Variants in CTBP2 observed in about 807,000 individuals in gnomAD.
CTBP2 encodes C-terminal-binding protein 2.
A neutral mutation model predicts 80.3 loss-of-function variants in CTBP2; 30 were observed. The observed-to-expected ratio is 0.37, with a 90% CI of 0.28 to 0.51. The LOEUF (loss-of-function observed/expected upper bound fraction) is 0.51, where lower values mean the gene tolerates loss of function less well. Among genes scored for constraint, CTBP2 ranks in the 20% least tolerant of loss-of-function variants. CTBP2 has a pLI of 0.93. For synonymous variants in CTBP2, 594 were observed against 587.4 expected, an observed-to-expected ratio of 1.01 and a Z score of -0.16; for missense variants, 1,212 against 1,375.3, an observed-to-expected ratio of 0.88 and a Z score of 1.88.
intron 1 of CTBP2, among the ~76,000 whole-genome samples, chr10:125,119,068 G>C (rs1853865116): frequency 1.3e-5 from 2 of 152,210 alleles, no homozygotes; most frequent in South Asian, 4.1e-4. Context: ...ACCAAGAGGG[G>C]TTTTCTGAGC....
chr10:125,150,489 C>T (rs1337691409), intron 1 of CTBP2, among the ~76,000 whole-genome samples: 2 of 152,098 alleles, frequency 1.3e-5, no homozygotes, highest in Non-Finnish European at 2.9e-5. Flanking sequence ...GCAAAGCCAT[C>T]CCCAGACATT....
chr10:125,005,939 G>A lies in CTBP2; in HGVS notation c.1679-2447C>T, dbSNP rs1955186635. The A allele has an allele frequency of 1.0e-5, 15 of 1,499,114 alleles. No homozygotes were observed. In the South Asian group the frequency reaches 1.9e-4, roughly 19 times the overall value. The allele number at this position is 1,499,114 out of a possible 1,614,324, so 92.9% of individuals were successfully genotyped here. A position where few individuals can be genotyped will look rare whatever the true frequency, so the allele number is the denominator to read the frequency against. ...CTGTTCGTTAAATGGTAGCCACACA[G>A]GAAAACCACGCTGGGCGCAAGGTGG... is the stretch of plus-strand genomic sequence containing the variant. On this transcript the variant is annotated intron_variant, in intron 1 of 8. Coordinates refer to ENST00000309035, the MANE Select transcript of CTBP2 (RefSeq NM_022802.3).
At chr10:125,012,938 C>T (rs1370067008) in intron 1 of CTBP2, among the ~76,000 whole-genome samples, 1 of 152,220 alleles carries the variant, frequency 6.6e-6, no homozygotes, top group Non-Finnish European at 1.5e-5. Flanking sequence ...ATCTGTTCAC[C>T]CTGGTGAACT....
intron 2 of CTBP2, among the ~76,000 whole-genome samples, chr10:125,052,791 C>G (rs1165814906): frequency 1.3e-5 from 2 of 152,224 alleles, no homozygotes; most frequent in Non-Finnish European, 2.9e-5. Context: ...CCAACACATT[C>G]CCATGGGAGC....
At chr10:125,134,935 C>T (rs1462538318) in intron 1 of CTBP2, among the ~76,000 whole-genome samples, 1 of 146,750 alleles carries the variant, frequency 6.8e-6, no homozygotes, top group Non-Finnish European at 1.5e-5. Context: ...ATACTAAAAC[C>T]CACGTTAATA....
At chr10:125,026,009 C>CA in intron 1 of CTBP2, 2 of 1,510,388 alleles carry the variant, frequency 1.3e-6, no homozygotes, top group Non-Finnish European at 1.8e-6. Context: ...ATCCTATGTT[C>CA]AAACTTCTAC....
chr10:125,099,364 G>A (rs1001564020), intron 2 of CTBP2, among the ~76,000 whole-genome samples: 4 of 152,158 alleles, frequency 2.6e-5, no homozygotes, highest in Admixed American at 6.5e-5. Context: ...CTTCCTTTCC[G>A]GGGCAACTGG....
chr10:125,056,046 T>C (rs879268601), intron 2 of CTBP2, among the ~76,000 whole-genome samples: 12 of 151,984 alleles, frequency 7.9e-5, no homozygotes, highest in Admixed American at 7.9e-4. Flanking sequence ...GTGCCTGTAG[T>C]CCCAGCTACT....
chr10:125,033,233 A>G (rs1402851236), intron 3 of CTBP2, among the ~76,000 whole-genome samples: 1 of 152,154 alleles, frequency 6.6e-6, no homozygotes, highest in Non-Finnish European at 1.5e-5. Context: ...AGCGCTGGAC[A>G]CCCAGAATGC....
intron 2 of CTBP2, among the ~76,000 whole-genome samples, chr10:125,107,182 C>A (rs939155780): frequency 6.6e-6 from 1 of 152,230 alleles, no homozygotes; most frequent in African/African-American, 2.4e-5. Context: ...GCTAAAGCTT[C>A]GCTGGCATCT....
chr10:125,084,467 T>C (rs1401816272), intron 2 of CTBP2, among the ~76,000 whole-genome samples: 2 of 152,268 alleles, frequency 1.3e-5, no homozygotes, highest in African/African-American at 2.4e-5. Context: ...GGCTGGCCTC[T>C]AGGTGGAGTC....
At chr10:125,138,592 C>A (rs1277054895) in intron 1 of CTBP2, among the ~76,000 whole-genome samples, 3 of 150,850 alleles carry the variant, frequency 2.0e-5, no homozygotes, top group Non-Finnish European at 4.4e-5. Context: ...TGGAAAGAGC[C>A]GCTGTAATCA....
At chr10:125,073,322 C>A (rs569820065) in intron 2 of CTBP2, among the ~76,000 whole-genome samples, 28 of 152,320 alleles carry the variant, frequency 1.8e-4, no homozygotes, top group African/African-American at 6.7e-4. Flanking sequence ...CGCAGCCTCC[C>A]GAGTTCAATT....
intron 2 of CTBP2, among the ~76,000 whole-genome samples, chr10:125,056,566 G>A (rs1963982503): frequency 6.6e-6 from 1 of 152,220 alleles, no homozygotes; most frequent in South Asian, 2.1e-4. Context: ...CCAGGAGTCA[G>A]GGTCATCTGC....
chr10:124,996,190 G>GCC (rs11321696), intron 4 of CTBP2: 1 of 149,692 alleles, frequency 6.7e-6, no homozygotes, highest in African/African-American at 2.5e-5. Context: ...CCGTCACAGC[G>GCC]CCCCCCCCGG....
At chr10:125,053,010 C>G (rs1461495208) in intron 2 of CTBP2, among the ~76,000 whole-genome samples, 1 of 152,358 alleles carries the variant, frequency 6.6e-6, no homozygotes, top group East Asian at 1.9e-4. Flanking sequence ...CATCACGCAG[C>G]ATGCAGCCGC....
chr10:124,991,289 G>T (rs1443999878), intron 8 of CTBP2, among the ~76,000 whole-genome samples: 1 of 152,154 alleles, frequency 6.6e-6, no homozygotes, highest in African/African-American at 2.4e-5. Flanking sequence ...CTGTCACCAA[G>T]ACCTTCAGAA....
intron 1 of CTBP2, among the ~76,000 whole-genome samples, chr10:125,144,154 T>C (rs1858328237): frequency 6.6e-6 from 1 of 152,170 alleles, no homozygotes; most frequent in Non-Finnish European, 1.5e-5. Flanking sequence ...CTCTTTCAAG[T>C]TCACCTTTCA....
chr10:125,127,884 C>T (rs900708956), intron 1 of CTBP2, among the ~76,000 whole-genome samples: 13 of 152,070 alleles, frequency 8.5e-5, no homozygotes, highest in Admixed American at 8.5e-4. Flanking sequence ...CAATTTTGGC[C>T]CTCCCCCAAT....
Sources: gnomAD v4.1 joint callset for allele counts (sites outside exome capture counted in the v4.1 genomes callset) on GRCh38, gnomAD v4.1.1 for gene constraint, MANE v1.5 for transcripts, NCBI Gene and HGNC (gene_info 2026-07-23, HGNC 2026-07-21) for gene names.